The following KCNIP4 variants were observed in gnomAD, a reference collection of about 807,000 sequenced individuals.
KCNIP4 encodes the protein potassium voltage-gated channel interacting protein 4.
In KCNIP4, 12 loss-of-function variants were observed where a neutral mutation model predicts 34.0. That is an observed-to-expected ratio of 0.35 (90% confidence interval 0.23 to 0.57). The LOEUF (loss-of-function observed/expected upper bound fraction) is 0.57. Ranked by LOEUF, KCNIP4 falls within the 20% of genes least tolerant of loss-of-function variation. The probability of loss-of-function intolerance (pLI) is 0.83; values close to 1 mark genes in which losing one functional copy is unlikely to be tolerated. For synonymous variants in KCNIP4, 124 were observed against 102.2 expected, an observed-to-expected ratio of 1.21 and a Z score of -1.29; for missense variants, 238 against 311.7, an observed-to-expected ratio of 0.76 and a Z score of 1.78.
chr4:21,226,385 A>AGGAAGGAAGG (rs1758408104), intron 1 of KCNIP4, among the ~76,000 whole-genome samples: 1 of 151,094 alleles, frequency 6.6e-6, no homozygotes, highest in Non-Finnish European at 1.5e-5. Flanking sequence ...GAAGGAAGGA[A>AGGAAGGAAGG]ATAATTCGGT....
chr4:21,614,043 G>A lies in KCNIP4; in HGVS notation c.61+334528C>T, dbSNP rs559016562. Among the ~76,000 whole-genome samples the A allele has an allele frequency of 2.6e-5, 4 of 151,872 alleles. No homozygotes were observed. The South Asian group carries it at 6.2e-4, about 24-fold the overall frequency. On this transcript the variant is annotated intron_variant, in intron 1 of 8. Coordinates refer to ENST00000382152, the MANE Select transcript of KCNIP4 (RefSeq NM_025221.6). ...GCATGCACCTGTAATCCAGCTATGCGGGAGACTGAGGCAAAAGCTTAAACT... is the reference window on the plus strand; with the variant it reads ...GCATGCACCTGTAATCCAGCTATGCAGGAGACTGAGGCAAAAGCTTAAACT...
chr4:20,770,188 G>A (rs1755750834), intron 3 of KCNIP4, among the ~76,000 whole-genome samples: 1 of 151,968 alleles, frequency 6.6e-6, no homozygotes, highest in African/African-American at 2.4e-5. Context: ...ATACTCACAA[G>A]TGTATCCACC....
intron 1 of KCNIP4, among the ~76,000 whole-genome samples, chr4:21,270,386 C>A (rs28403122): frequency 0.26 from 38,889 of 151,896 alleles, 5,120 homozygotes; most frequent in South Asian, 0.35. Flanking sequence ...CACTCAGACT[C>A]GAGGAGTGCT....
chr4:20,731,918 T>A, intron 8 of KCNIP4, 88 bp downstream of exon 8: 1 of 1,561,314 alleles, frequency 6.4e-7, no homozygotes, highest in South Asian at 1.2e-5. Context: ...ATCTCTATAT[T>A]TCGCCCAGTT....
chr4:21,354,835 C>T (rs1045613314), intron 1 of KCNIP4, among the ~76,000 whole-genome samples: 3 of 152,190 alleles, frequency 2.0e-5, no homozygotes, highest in Admixed American at 6.5e-5. Flanking sequence ...CTGAAATCAA[C>T]AGAATATACA....
At chr4:21,404,652 T>C (rs574870345) in intron 1 of KCNIP4, among the ~76,000 whole-genome samples, 7 of 152,284 alleles carry the variant, frequency 4.6e-5, no homozygotes, top group African/African-American at 1.7e-4. Context: ...AAAAGTATTA[T>C]TATATAGGAT....
intron 1 of KCNIP4, among the ~76,000 whole-genome samples, chr4:21,074,526 C>A (rs1476767312): frequency 6.6e-6 from 1 of 152,086 alleles, no homozygotes. Context: ...ATCCTTCTCT[C>A]TTTTCTTCTT....
At chr4:21,709,314 G>C (rs1713534431) in intron 1 of KCNIP4, among the ~76,000 whole-genome samples, 1 of 152,200 alleles carries the variant, frequency 6.6e-6, no homozygotes, top group African/African-American at 2.4e-5. Flanking sequence ...TGAGAGCTGA[G>C]TTTCAGATGA....
chr4:20,853,801 A>G (rs1721289488), intron 2 of KCNIP4, among the ~76,000 whole-genome samples: 1 of 152,232 alleles, frequency 6.6e-6, no homozygotes, highest in African/African-American at 2.4e-5. Context: ...TGAGTAAGAA[A>G]AAAACCAACA....
chr4:20,735,206 C>T (rs1173724932), intron 5 of KCNIP4, among the ~76,000 whole-genome samples: 1 of 152,144 alleles, frequency 6.6e-6, no homozygotes, highest in Non-Finnish European at 1.5e-5. Context: ...TACATGTGGA[C>T]AGTGGGTAAG....
At chr4:21,685,793 T>C (rs374727764) in intron 1 of KCNIP4, among the ~76,000 whole-genome samples, 34 of 152,368 alleles carry the variant, frequency 2.2e-4, no homozygotes, top group African/African-American at 7.5e-4. Flanking sequence ...TAAGGACTTG[T>C]ACCACTTTGA....
At chr4:21,494,197 G>A (rs563141783) in intron 1 of KCNIP4, among the ~76,000 whole-genome samples, 82 of 152,270 alleles carry the variant, frequency 5.4e-4, no homozygotes, top group African/African-American at 1.8e-3. Context: ...AATGTTAGAA[G>A]ATTTATGAGA....
intron 1 of KCNIP4, among the ~76,000 whole-genome samples, chr4:21,884,958 C>T (rs988349469): frequency 4.0e-5 from 6 of 151,092 alleles, no homozygotes; most frequent in African/African-American, 9.9e-5. Flanking sequence ...GCCTCCCCCC[C>T]ACTACTGTTA....
chr4:21,485,895 A>G lies in KCNIP4; in HGVS notation c.61+462676T>C, dbSNP rs570342702. Among the ~76,000 whole-genome samples the G allele has an allele frequency of 2.6e-5, 4 of 152,330 alleles. No individual in the cohort carries two copies. In the South Asian group the frequency reaches 8.3e-4, roughly 32 times the overall value. ...ACCAAGGAGGGATGAAGCAGCAAAC[A>G]GGAAAGCCTGGTTCAGGCCCATCTT... On this transcript the variant is annotated intron_variant, in intron 1 of 8. Transcript: ENST00000382152.
At chr4:20,856,779 T>C (rs923160753) in intron 2 of KCNIP4, among the ~76,000 whole-genome samples, 3 of 152,138 alleles carry the variant, frequency 2.0e-5, no homozygotes, top group Admixed American at 2.0e-4. Context: ...TACTGGGAAA[T>C]ACAGCAAAAG....
At chr4:21,247,106 T>C (rs1760262007) in intron 1 of KCNIP4, among the ~76,000 whole-genome samples, 1 of 152,186 alleles carries the variant, frequency 6.6e-6, no homozygotes, top group South Asian at 2.1e-4. Context: ...CAAGGGAAGT[T>C]ATTTTATTGT....
intron 1 of KCNIP4, among the ~76,000 whole-genome samples, chr4:21,115,524 C>A (rs1488482549): frequency 1.3e-5 from 2 of 152,070 alleles, no homozygotes; most frequent in African/African-American, 4.8e-5. Flanking sequence ...CAAAACAGTA[C>A]AAAAGGGATT....
At chr4:21,424,432 C>A (rs1020063219) in intron 1 of KCNIP4, among the ~76,000 whole-genome samples, 12 of 151,898 alleles carry the variant, frequency 7.9e-5, no homozygotes, top group African/African-American at 2.4e-4. Flanking sequence ...ATTAGCCAGG[C>A]ATGGTGGCAT....
intron 1 of KCNIP4, among the ~76,000 whole-genome samples, chr4:21,573,954 C>T (rs770282591): frequency 6.6e-6 from 1 of 152,120 alleles, no homozygotes; most frequent in Non-Finnish European, 1.5e-5. Flanking sequence ...TCTATGAACA[C>T]TTTCCAAGAA....
Sources: gnomAD v4.1 joint callset for allele counts (sites outside exome capture counted in the v4.1 genomes callset) on GRCh38, gnomAD v4.1.1 for gene constraint, MANE v1.5 for transcripts, NCBI Gene and HGNC (gene_info 2026-07-23, HGNC 2026-07-21) for gene names.